The following LPP variants were observed in gnomAD, a reference collection of about 807,000 sequenced individuals.
The protein encoded by LPP is lipoma-preferred partner.
LPP carries 38 observed loss-of-function variants against 60.4 expected under a neutral mutation model. The observed-to-expected ratio is 0.63, with a 90% CI of 0.49 to 0.83. The LOEUF (loss-of-function observed/expected upper bound fraction) is 0.83. Ranked by LOEUF, LPP falls within the 40% of genes least tolerant of loss-of-function variation. LPP has a pLI of 0.00. For synonymous variants in LPP, 328 were observed against 290.8 expected (o/e 1.13, Z -1.30); for missense variants, 902 against 783.6 (o/e 1.15, Z -1.80).
chr3:188,389,400 G>T (rs1479503608), intron 3 of LPP, among the ~76,000 whole-genome samples: 1 of 152,154 alleles, frequency 6.6e-6, no homozygotes, highest in African/African-American at 2.4e-5. Context: ...TAACCTGACC[G>T]CTTGACAGTG....
At chr3:188,679,457 A>G (rs528675223) in intron 7 of LPP, among the ~76,000 whole-genome samples, 18 of 152,152 alleles carry the variant, frequency 1.2e-4, no homozygotes, top group Admixed American at 9.8e-4. Context: ...AACATAGCCA[A>G]GCAAATGAGC....
At chr3:188,865,172 G>T (rs1766273814) in intron 9 of LPP, among the ~76,000 whole-genome samples, 2 of 152,170 alleles carry the variant, frequency 1.3e-5, no homozygotes, top group East Asian at 3.8e-4. Flanking sequence ...GTGAAACGTG[G>T]TTGTTTGCTA....
intron 2 of LPP, among the ~76,000 whole-genome samples, chr3:188,333,669 G>C (rs1760757604): frequency 2.0e-5 from 3 of 152,132 alleles, no homozygotes; most frequent in Non-Finnish European, 4.4e-5. Context: ...CTGCTTGCAA[G>C]CACTATATGC....
At chr3:188,425,055 C>A (rs548738938) in intron 4 of LPP, among the ~76,000 whole-genome samples, 9 of 152,266 alleles carry the variant, frequency 5.9e-5, no homozygotes, top group African/African-American at 2.2e-4. Context: ...AGCTTTTGCC[C>A]ATTTAGTATG....
intron 5 of LPP, among the ~76,000 whole-genome samples, chr3:188,520,774 C>T (rs967206188): frequency 2.6e-5 from 4 of 152,066 alleles, no homozygotes; most frequent in Non-Finnish European, 5.9e-5. Flanking sequence ...GTTATAATTA[C>T]ATTAACTACT....
chr3:188,549,785 A>G (rs1579865095), intron 6 of LPP, among the ~76,000 whole-genome samples: 1 of 152,226 alleles, frequency 6.6e-6, no homozygotes, highest in East Asian at 1.9e-4. Flanking sequence ...TTACTCATGT[A>G]TATTCTTATG....
At chr3:188,449,961 C>G (rs557249988) in intron 4 of LPP, among the ~76,000 whole-genome samples, 1 of 152,160 alleles carries the variant, frequency 6.6e-6, no homozygotes, top group Non-Finnish European at 1.5e-5. Context: ...TGCACCACCA[C>G]GCCTGGCTAA....
At chr3:188,803,191 T>C (rs1032018677) in intron 9 of LPP, among the ~76,000 whole-genome samples, 9 of 152,024 alleles carry the variant, frequency 5.9e-5, no homozygotes, top group Non-Finnish European at 2.9e-5. Flanking sequence ...ATTACAGGCT[T>C]GCACCACCAC....
chr3:188,834,517 TGCTTTCTC>T (rs1757930631), intron 9 of LPP, among the ~76,000 whole-genome samples: 3 of 152,054 alleles, frequency 2.0e-5, no homozygotes, highest in African/African-American at 7.2e-5. Context: ...GGAAGTTGCC[TGCTTTCTC>T]ATCTTTGATC....
chr3:188,365,165 A>G (rs1311408590), intron 3 of LPP, among the ~76,000 whole-genome samples: 6 of 131,446 alleles, frequency 4.6e-5, no homozygotes, highest in Non-Finnish European at 4.8e-5. Flanking sequence ...TTCTCTCTTT[A>G]TCTCTTCCTT....
At chr3:188,203,490 T>A (rs1412775770) in intron 1 of LPP, among the ~76,000 whole-genome samples, 2 of 78,754 alleles carry the variant, frequency 2.5e-5, no homozygotes, top group Admixed American at 2.3e-4. Flanking sequence ...TATATATTTT[T>A]AAATATATAT....
chr3:188,193,296 C>T (rs1425663217), intron 1 of LPP, among the ~76,000 whole-genome samples: 1 of 152,192 alleles, frequency 6.6e-6, no homozygotes, highest in East Asian at 1.9e-4. Flanking sequence ...GGCAGCATAG[C>T]ATGGCGATGA....
At chr3:188,696,071 G>A (rs562732103) in intron 7 of LPP, among the ~76,000 whole-genome samples, 1 of 152,258 alleles carries the variant, frequency 6.6e-6, no homozygotes, top group African/African-American at 2.4e-5. Flanking sequence ...TCTAGTGTGT[G>A]TGTGTTGCAC....
At chr3:188,398,944 G>C (rs1028239553) in intron 3 of LPP, among the ~76,000 whole-genome samples, 6 of 152,220 alleles carry the variant, frequency 3.9e-5, no homozygotes. Flanking sequence ...CTTCCTCACT[G>C]ATGAGCAAAG....
intron 2 of LPP, among the ~76,000 whole-genome samples, chr3:188,243,887 T>C (rs1404603765): frequency 6.6e-6 from 1 of 152,126 alleles, no homozygotes; most frequent in Non-Finnish European, 1.5e-5. Flanking sequence ...AAAATTTTTA[T>C]TTTTTTGAGA....
At chr3:188,545,338 A>T (rs1369527134) in intron 6 of LPP, among the ~76,000 whole-genome samples, 3 of 152,030 alleles carry the variant, frequency 2.0e-5, no homozygotes, top group Non-Finnish European at 4.4e-5. Context: ...CTTTGTTTAA[A>T]TTATTAATGT....
chr3:188,621,433 T>A (rs1845782481), intron 7 of LPP, among the ~76,000 whole-genome samples: 1 of 152,192 alleles, frequency 6.6e-6, no homozygotes, highest in African/African-American at 2.4e-5. Flanking sequence ...TGGCTTTCTG[T>A]CCCTGCATCA....
intron 7 of LPP, among the ~76,000 whole-genome samples, chr3:188,615,457 T>C (rs1416437566): frequency 1.3e-5 from 2 of 152,216 alleles, no homozygotes; most frequent in African/African-American, 2.4e-5. Flanking sequence ...ACTGGAGTCA[T>C]TTGTGTTCCT....
chr3:188,404,382 C>A (rs1782932359), intron 3 of LPP, among the ~76,000 whole-genome samples: 1 of 152,150 alleles, frequency 6.6e-6, no homozygotes, highest in South Asian at 2.1e-4. Flanking sequence ...GTAGCTGGAA[C>A]AACAGGTGTG....
Sources: allele counts gnomAD v4.1 joint callset (sites outside exome capture counted in the v4.1 genomes callset), GRCh38; gene constraint gnomAD v4.1.1; transcripts MANE v1.5; gene names NCBI Gene and HGNC (gene_info 2026-07-23, HGNC 2026-07-21).